OPA1: variants seen among roughly 807,000 people sequenced by gnomAD.
The protein encoded by OPA1 is dynamin-like GTPase OPA1, mitochondrial.
In OPA1, 59 loss-of-function variants were observed where a neutral mutation model predicts 152.9. That is an observed-to-expected ratio of 0.39 (90% CI 0.31 to 0.48). OPA1 has a LOEUF of 0.48. Among genes scored for constraint, OPA1 ranks in the 20% least tolerant of loss-of-function variants. The pLI is 0.96. For missense variants in OPA1, 1,008 were observed against 1,216.8 expected, an observed-to-expected ratio of 0.83 and a Z score of 2.55; for synonymous variants, 400 against 389.9, an observed-to-expected ratio of 1.03 and a Z score of -0.31.
At chr3:193,629,177 T>A (rs1239108034) in intron 7 of OPA1, among the ~76,000 whole-genome samples, 2 of 151,846 alleles carry the variant, frequency 1.3e-5, no homozygotes, top group Admixed American at 6.6e-5. Flanking sequence ...CCTCCCAGAG[T>A]GCTGGGATTA....
rs1716498909 is a variant in OPA1 at position 193,666,185 on chromosome 3, G to A, written c.2779-111G>A. 13 of 878,652 alleles carry A rather than the reference G, an allele frequency of 1.5e-5. No homozygotes were observed. In the South Asian group the frequency reaches 1.8e-4, roughly 12 times the overall value. 54.4% of individuals were successfully genotyped at this position (878,652 alleles called of 1,614,324 possible). On this transcript the variant is annotated intron_variant, in intron 27 of 30. Transcript: ENST00000361510. ...CAGTATATGCATTAGGTAAATCTGA[G>A]TACTTTTTAAGCTTAGGACATATCT... is the stretch of plus-strand genomic sequence containing the variant.
At chr3:193,694,572 G>A (rs1473388531) in intron 30 of OPA1, 34 bp from the exon 31 acceptor site, 1 of 152,152 alleles carries the variant, frequency 6.6e-6, no homozygotes, top group Non-Finnish European at 1.5e-5. Context: ...TATCTCCCCT[G>A]ACCTCAGTTT....
intron 11 of OPA1, among the ~76,000 whole-genome samples, chr3:193,641,773 G>A (rs1344027689): frequency 6.6e-6 from 1 of 152,192 alleles, no homozygotes; most frequent in Non-Finnish European, 1.5e-5. Flanking sequence ...GTGTCAATTA[G>A]GCATTTAGAA....
intron 1 of OPA1, chr3:193,613,914 G>T: frequency 1.9e-6 from 1 of 518,608 alleles, no homozygotes; most frequent in South Asian, 1.4e-5. Flanking sequence ...TGTAATTAAA[G>T]GAATTAATAT....
chr3:193,596,365 A>ATTTTCTTTTCTTTTCTTTTCTTTTC (rs71179314), intron 1 of OPA1, among the ~76,000 whole-genome samples: 2 of 68,074 alleles, frequency 2.9e-5, no homozygotes, highest in African/African-American at 5.7e-5. Context: ...TCTTTTCTTA[A>ATTTTCTTTTCTTTTCTTTTCTTTTC]TTTTCTTTTC....
chr3:193,654,499 CAA>C (rs60601464), intron 21 of OPA1, among the ~76,000 whole-genome samples: 8 of 135,006 alleles, frequency 5.9e-5, no homozygotes, highest in Admixed American at 1.5e-4. Context: ...GACCCTGTCT[CAA>C]AAAAAAAAAA....
intron 1 of OPA1, among the ~76,000 whole-genome samples, chr3:193,596,420 C>CTTTTCTTTTCTTTTCTTCT (rs1242229261): frequency 1.7e-5 from 2 of 118,776 alleles, no homozygotes; most frequent in African/African-American, 3.0e-5. Flanking sequence ...CTTTTCTTTT[C>CTTTTCTTTTCTTTTCTTCT]TTTCACACAG....
intron 9 of OPA1, among the ~76,000 whole-genome samples, chr3:193,636,177 A>G (rs759251690): frequency 6.6e-6 from 1 of 152,028 alleles, no homozygotes; most frequent in Non-Finnish European, 1.5e-5. Flanking sequence ...TACATTCTGT[A>G]GTCAAGGTCC....
chr3:193,636,991 T>G (rs1351498591), intron 9 of OPA1, among the ~76,000 whole-genome samples: 1 of 152,204 alleles, frequency 6.6e-6, no homozygotes, highest in Non-Finnish European at 1.5e-5. Context: ...AATCATTGTA[T>G]CTAAATAAAC....
chr3:193,681,270 G>A (rs1369539151), intron 29 of OPA1, among the ~76,000 whole-genome samples: 1 of 152,084 alleles, frequency 6.6e-6, no homozygotes, highest in Non-Finnish European at 1.5e-5. Flanking sequence ...AGTATAAAAT[G>A]ACCACTTTTA....
intron 29 of OPA1, among the ~76,000 whole-genome samples, chr3:193,681,172 A>T (rs905169346): frequency 5.9e-5 from 9 of 152,238 alleles, no homozygotes; most frequent in Admixed American, 5.9e-4. Flanking sequence ...CCATGCAGAA[A>T]TTATTTATGC....
chr3:193,670,302 T>C (rs1387571754), intron 29 of OPA1, among the ~76,000 whole-genome samples: 1 of 152,144 alleles, frequency 6.6e-6, no homozygotes, highest in Non-Finnish European at 1.5e-5. Context: ...TATAGAGTGT[T>C]AAAATGTTGA....
chr3:193,679,777 C>T (rs935005846), intron 29 of OPA1, among the ~76,000 whole-genome samples: 2 of 152,000 alleles, frequency 1.3e-5, no homozygotes, highest in African/African-American at 4.8e-5. Context: ...TTTCATTCCT[C>T]CAAAAAGATA....
At chr3:193,660,964 A>G (rs1715137705) in intron 25 of OPA1, among the ~76,000 whole-genome samples, 1 of 152,242 alleles carries the variant, frequency 6.6e-6, no homozygotes, top group African/African-American at 2.4e-5. Flanking sequence ...GAAAAATGGT[A>G]TCTGGCCTTC....
chr3:193,636,294 T>G (rs1732923225), intron 9 of OPA1, among the ~76,000 whole-genome samples: 1 of 151,162 alleles, frequency 6.6e-6, no homozygotes, highest in Non-Finnish European at 1.5e-5. Flanking sequence ...CACTTAGAAC[T>G]GAGAAAAGTC....
intron 29 of OPA1, chr3:193,689,302 CCA>C (rs1721362776): frequency 6.6e-6 from 1 of 152,152 alleles, no homozygotes. Flanking sequence ...ACACTCACCT[CCA>C]GTCTCCCCTC....
At chr3:193,618,653 A>G (rs1729466322) in intron 5 of OPA1, 2 of 537,918 alleles carry the variant, frequency 3.7e-6, no homozygotes, top group Admixed American at 3.3e-5. Flanking sequence ...TGTTAGGTTA[A>G]ACATATGCTG....
chr3:193,684,427 G>A (rs1028658067), intron 29 of OPA1, among the ~76,000 whole-genome samples: 1 of 148,794 alleles, frequency 6.7e-6, no homozygotes, highest in Non-Finnish European at 1.5e-5. Flanking sequence ...ACATTGACAA[G>A]CACCTGGAAT....
Position 193,643,029 on chromosome 3 carries a change from G to C in OPA1, c.1285G>C (p.Gly429Arg), listed in dbSNP as rs757965997. The change falls in exon 13 of 31, where the codon GGC becomes CGC. Residue 429 changes from glycine to arginine, a missense_variant. Gly to Arg is a moderately radical substitution (Grantham distance 125). Around this residue, in one of 7 missense-constraint regions of OPA1, gnomAD observed 213 missense variants for 291.4 expected, o/e 0.73. Coordinates refer to ENST00000361510, the MANE Select transcript of OPA1 (RefSeq NM_130837.3). ...ELRMRKNVKE[G>R]CTVSPETISL... ...TCGAATGAGGAAAAATGTGAAAGAA[G>C]GCTGTACCGTTAGCCCTGAGGTAAG... is the stretch of plus-strand genomic sequence containing the variant. 8.7e-6 allele frequency: 14 copies of C among 1,613,550 alleles called. No homozygotes were observed. Among genetic ancestry groups the C allele is most frequent in the Non-Finnish European group, 1.2e-5 (14 of 1,179,546 alleles).
Sources: gnomAD v4.1 joint callset for allele counts (sites outside exome capture counted in the v4.1 genomes callset) on GRCh38, gnomAD v4.1.1 for gene constraint, gnomAD v4.1.1 regional missense constraint, MANE v1.5 for transcripts, NCBI Gene and HGNC (gene_info 2026-07-23, HGNC 2026-07-21) for gene names.